The following ZNF875 variants were observed in gnomAD, a reference collection of about 807,000 sequenced individuals.
ZNF875 encodes the protein HKR1, GLI-Kruppel zinc finger family member.
A neutral mutation model predicts 11.2 loss-of-function variants in ZNF875; 14 were observed. That is an observed-to-expected ratio of 1.26 (90% CI 0.83 to 1.96). The LOEUF is 1.96. ZNF875 is among the 30% of genes most tolerant of loss of function. The pLI is 0.00. For missense variants in ZNF875, 752 were observed against 760.4 expected, an observed-to-expected ratio of 0.99 and a Z score of 0.13; for synonymous variants, 301 against 281.1, an observed-to-expected ratio of 1.07 and a Z score of -0.71.
intron 3 of ZNF875, among the ~76,000 whole-genome samples, chr19:37,323,811 C>G (rs1318094673): frequency 6.6e-6 from 1 of 152,194 alleles, no homozygotes; most frequent in Non-Finnish European, 1.5e-5. Context: ...AGGCCACAAA[C>G]TGAAGTGCCC....
At chr19:37,341,062 C>T (rs937921096) in intron 2 of ZNF875, among the ~76,000 whole-genome samples, 2 of 152,100 alleles carry the variant, frequency 1.3e-5, no homozygotes, top group Admixed American at 1.3e-4. Flanking sequence ...TGAATTCATG[C>T]CCAGGAGTGA....
Position 37,350,843 on chromosome 19 carries a change from C to T in ZNF875, c.256+2971C>T, listed in dbSNP as rs148587289. On this transcript the variant is annotated intron_variant, in intron 4 of 4. Transcript: ENST00000392153. ...TTTTGAGACAGAATTTTGTTCTTGT[C>T]CCCCAGGCTGGAGTGCAGTGGTGCA... is the stretch of plus-strand genomic sequence containing the variant. Among the ~76,000 whole-genome samples, 873 of 89,662 alleles carry T rather than the reference C, an allele frequency of 9.7e-3. 21 individuals are homozygous for T. The highest frequency in any genetic ancestry group is 0.078 in the East Asian group (253 of 3,236). The allele number at this position is 89,662 out of a possible 152,430, so 58.8% of individuals were successfully genotyped here.
intron 3 of ZNF875, 48 bp from the exon 4 acceptor site, chr19:37,347,729 T>A: frequency 8.2e-7 from 1 of 1,214,214 alleles, no homozygotes; most frequent in African/African-American, 1.5e-5. Flanking sequence ...TAGAATGCCC[T>A]CTTGAGCCCA....
intron 1 of ZNF875, among the ~76,000 whole-genome samples, chr19:37,321,794 G>A (rs1361517363): frequency 6.6e-6 from 1 of 152,144 alleles, no homozygotes; most frequent in African/African-American, 2.4e-5. Context: ...CGGGGAGAGA[G>A]GACATCGATT....
intron 4 of ZNF875, among the ~76,000 whole-genome samples, chr19:37,354,126 T>C (rs2038439895): frequency 1.3e-5 from 2 of 152,118 alleles, no homozygotes; most frequent in South Asian, 4.1e-4. Context: ...ATGTAATTTC[T>C]ATTCTTTTAT....
chr19:37,353,821 C>T (rs149082550), intron 4 of ZNF875, among the ~76,000 whole-genome samples: 18 of 152,222 alleles, frequency 1.2e-4, no homozygotes, highest in Admixed American at 3.3e-4. Context: ...TATCTTTGGC[C>T]TTCAGCAGTT....
chr19:37,353,604 T>A (rs931364666), intron 4 of ZNF875, among the ~76,000 whole-genome samples: 1 of 152,256 alleles, frequency 6.6e-6, no homozygotes, highest in African/African-American at 2.4e-5. Flanking sequence ...TACAGTTACC[T>A]GGCATTGGAT....
intron 4 of ZNF875, among the ~76,000 whole-genome samples, chr19:37,354,541 T>C (rs778461228): frequency 1.3e-5 from 2 of 151,974 alleles, no homozygotes; most frequent in African/African-American, 4.8e-5. Flanking sequence ...TTTGAATTGA[T>C]TTTTGGAAAT....
In ZNF875 at chr19:37,364,009, G is replaced by A. The variant is rs2040419181; in HGVS notation, c.*234G>A. The A allele has an allele frequency of 1.9e-6, 1 of 514,838 alleles. No homozygotes were observed. The allele number at this position is 514,838 out of a possible 1,614,324, so 31.9% of individuals were successfully genotyped here. A position where few individuals can be genotyped will look rare whatever the true frequency, so the allele number is the denominator to read the frequency against. On this transcript the variant is annotated 3_prime_UTR_variant, in exon 5 of 5. Transcript: ENST00000392153. ...AGCCCTGCCCTTCCTCACTGTGGAT[G>A]GTGGGTTGTGGAAACCCGGTCAGGT...
Position 37,363,305 on chromosome 19 carries a change from C to T in ZNF875, c.1453C>T (p.Arg485Ter), listed in dbSNP as rs138119894. The T allele has an allele frequency of 1.7e-3, 2,715 of 1,610,766 alleles. 6 individuals carry two copies. Among genetic ancestry groups the T allele is most frequent in the Non-Finnish European group, 2.1e-3 (2,455 of 1,177,742 alleles). ...GCCATTTGTATGTACGGAGTGTGGG[C>T]GAGGCTTTACCCGGAAATCAACCCT... ...EKPFVCTECGRGFTRKSTLST... is the reference protein window; with the variant it reads ...EKPFVCTECG The change falls in exon 5 of 5, where the codon CGA becomes TGA. Residue 485 changes from arginine (R) to a stop codon, truncating the protein, a stop_gained. Coordinates refer to ENST00000392153, the MANE Select transcript of ZNF875 (RefSeq NM_001353803.2). LOFTEE classifies it low-confidence loss of function (END_TRUNC).
chr19:37,347,214 G>A lies in ZNF875; in HGVS notation c.58G>A (p.Ala20Thr), dbSNP rs767034321. 43 of 1,613,980 alleles carry A rather than the reference G, an allele frequency of 2.7e-5. No homozygotes were observed. The Admixed American group carries it at 7.0e-4, about 26-fold the overall frequency. Residue 20 changes from alanine to threonine, a missense_variant, in exon 3 of 5, where the codon GCT (alanine) becomes ACT (threonine). Coordinates refer to ENST00000392153, the MANE Select transcript of ZNF875 (RefSeq NM_001353803.2). ...KEAFVAFRDV[A>T]VYFTQEEWRL... ...GGCGTTCGTGGCATTCAGGGATGTGGCTGTGTACTTCACCCAGGAGGAGTG... is the reference window on the plus strand; with the variant it reads ...GGCGTTCGTGGCATTCAGGGATGTGACTGTGTACTTCACCCAGGAGGAGTG...
chr19:37,334,833 C>T (rs1568580023), intron 1 of ZNF875, 51 bp downstream of exon 1: 1 of 458,966 alleles, frequency 2.2e-6, no homozygotes, highest in Non-Finnish European at 4.4e-6. Context: ...CCCTGTGTTA[C>T]GGGGACGCCG....
upstream of ZNF875, among the ~76,000 whole-genome samples, chr19:37,317,629 T>C (rs955839206): frequency 6.6e-6 from 1 of 152,218 alleles, no homozygotes; most frequent in Non-Finnish European, 1.5e-5. Context: ...TGCAAAGTTT[T>C]GGTTTGGCGC....
chr19:37,362,039 C>T, intron 4 of ZNF875, 70 bp from the exon 5 acceptor site: 1 of 879,328 alleles, frequency 1.1e-6, no homozygotes. Context: ...TATGAATGAC[C>T]AGTGGGCAAG....
intron 2 of ZNF875, 134 bp from the exon 3 acceptor site, chr19:37,347,055 GA>G (rs2036926558): frequency 9.3e-7 from 1 of 1,071,758 alleles, no homozygotes; most frequent in Non-Finnish European, 1.4e-6. Context: ...GACCTCAGGT[GA>G]TCCGCCCACC....
At chr19:37,322,204 C>G (rs1360065673) in exon 2 of ZNF875, 2 of 152,208 alleles carry the variant, frequency 1.3e-5, no homozygotes, top group East Asian at 3.9e-4. Flanking sequence ...GCTTCTTTTG[C>G]TGTTCTTCTG....
chr19:37,322,475 G>A (rs2031663983), intron 2 of ZNF875, among the ~76,000 whole-genome samples: 2 of 152,208 alleles, frequency 1.3e-5, no homozygotes, highest in South Asian at 4.1e-4. Context: ...TAAGGGATGT[G>A]GAAAGTGAGT....
chr19:37,320,024 A>T (rs1190640292), intron 1 of ZNF875, among the ~76,000 whole-genome samples: 1 of 152,136 alleles, frequency 6.6e-6, no homozygotes, highest in African/African-American at 2.4e-5. Flanking sequence ...AGTAGCTGGG[A>T]CTACAGGCAC....
upstream of ZNF875, chr19:37,316,854 A>T (rs1052776932): frequency 4.8e-5 from 7 of 147,088 alleles, no homozygotes; most frequent in African/African-American, 1.8e-4. Flanking sequence ...GTACAGACGG[A>T]GGTTTCGTCA....
Sources: allele counts gnomAD v4.1 joint callset (sites outside exome capture counted in the v4.1 genomes callset), GRCh38; gene constraint gnomAD v4.1.1; transcripts MANE v1.5; gene names NCBI Gene and HGNC (gene_info 2026-07-23, HGNC 2026-07-21).